Variants in ITSN1 observed in about 807,000 individuals in gnomAD.
ITSN1 encodes intersectin-1.
In ITSN1, 58 loss-of-function variants were observed where a neutral mutation model predicts 239.8. The ratio of observed to expected loss-of-function variants is 0.24; its 90% confidence interval spans 0.20 to 0.30. The LOEUF (loss-of-function observed/expected upper bound fraction) is 0.30, where lower values mean the gene tolerates loss of function less well. Among genes scored for constraint, ITSN1 ranks in the 10% least tolerant of loss-of-function variants. The pLI, the probability that ITSN1 is intolerant of heterozygous loss-of-function variation, is 1.00. For missense variants in ITSN1, 1,558 were observed against 2,103.3 expected (o/e 0.74, Z 5.07); for synonymous variants, 780 against 770.8 (o/e 1.01, Z -0.20).
intron 26 of ITSN1, 143 bp downstream of exon 26, chr21:33,827,006 T>A: frequency 2.9e-6 from 2 of 681,706 alleles, no homozygotes; most frequent in East Asian, 5.5e-5. Context: ...TTCCTTGGAA[T>A]CCATTAATAA....
chr21:33,750,472 A>G (rs572860505), intron 6 of ITSN1, 150 bp downstream of exon 6: 2 of 744,902 alleles, frequency 2.7e-6, no homozygotes, highest in East Asian at 2.7e-5. Flanking sequence ...TTGATTTCAC[A>G]TTTTTTCCAC....
At chr21:33,831,715 G>C (rs1364244205) in intron 27 of ITSN1, among the ~76,000 whole-genome samples, 2 of 152,164 alleles carry the variant, frequency 1.3e-5, no homozygotes, top group African/African-American at 4.8e-5. Context: ...ACACTGGAGA[G>C]CTGAATATAT....
At chr21:33,649,783 G>A (rs976729757) in intron 1 of ITSN1, among the ~76,000 whole-genome samples, 13 of 152,102 alleles carry the variant, frequency 8.5e-5, no homozygotes, top group African/African-American at 3.1e-4. Flanking sequence ...TTGAGAGGCC[G>A]AGGTGTGCGG....
chr21:33,859,484 G>A (rs546253100), intron 31 of ITSN1, among the ~76,000 whole-genome samples: 7 of 151,986 alleles, frequency 4.6e-5, no homozygotes, highest in Admixed American at 3.3e-4. Flanking sequence ...TATCCACCAC[G>A]CTCTCATTGT....
intron 4 of ITSN1, among the ~76,000 whole-genome samples, chr21:33,729,834 T>G (rs2066058243): frequency 6.6e-6 from 1 of 152,226 alleles, no homozygotes; most frequent in Admixed American, 6.5e-5. Flanking sequence ...TATTTGTAGC[T>G]CCCTGCTTAG....
chr21:33,690,802 T>C (rs1425141519), intron 1 of ITSN1, among the ~76,000 whole-genome samples: 1 of 20,028 alleles, frequency 5.0e-5, no homozygotes, highest in East Asian at 5.7e-4. Flanking sequence ...TATATATATA[T>C]ATATATATAT....
chr21:33,767,670 C>A, intron 10 of ITSN1, 43 bp from the exon 11 acceptor site: 2 of 1,122,670 alleles, frequency 1.8e-6, no homozygotes, highest in African/African-American at 1.6e-5. Flanking sequence ...TCCACCCAGA[C>A]AGCTCTGTGT....
intron 12 of ITSN1, among the ~76,000 whole-genome samples, 170 bp downstream of exon 12, chr21:33,772,493 C>T (rs1411571874): frequency 6.6e-6 from 1 of 152,166 alleles, no homozygotes; most frequent in Admixed American, 6.5e-5. Context: ...TTCATCACTC[C>T]AGCTCTTTAC....
chr21:33,808,087 T>C (rs2072604185), intron 20 of ITSN1, among the ~76,000 whole-genome samples: 1 of 150,698 alleles, frequency 6.6e-6, no homozygotes, highest in Non-Finnish European at 1.5e-5. Flanking sequence ...CTCGGGAGGC[T>C]GAGGCAGGAG....
intron 1 of ITSN1, among the ~76,000 whole-genome samples, chr21:33,714,435 A>G (rs530148882): frequency 6.6e-6 from 1 of 152,314 alleles, no homozygotes; most frequent in East Asian, 1.9e-4. Flanking sequence ...TGGAGGGTAG[A>G]GATTCACCTA....
At chr21:33,704,971 C>T (rs998674936) in intron 1 of ITSN1, among the ~76,000 whole-genome samples, 13 of 148,400 alleles carry the variant, frequency 8.8e-5, no homozygotes, top group Non-Finnish European at 1.9e-4. Flanking sequence ...ATTAGCCAGG[C>T]GTGGTGGCAG....
chr21:33,814,740 G>A (rs2073148737), intron 22 of ITSN1, among the ~76,000 whole-genome samples: 1 of 152,212 alleles, frequency 6.6e-6, no homozygotes, highest in Non-Finnish European at 1.5e-5. Flanking sequence ...ATCTGGAGGA[G>A]CGGTGTGCAG....
chr21:33,648,011 A>G (rs2088135857), intron 1 of ITSN1, among the ~76,000 whole-genome samples: 2 of 152,138 alleles, frequency 1.3e-5, no homozygotes, highest in African/African-American at 4.8e-5. Flanking sequence ...CGTATTTCCA[A>G]TTTGTCATTT....
At chr21:33,819,571 AC>A (rs1278033547) in intron 24 of ITSN1, among the ~76,000 whole-genome samples, 1 of 152,184 alleles carries the variant, frequency 6.6e-6, no homozygotes, top group Non-Finnish European at 1.5e-5. Flanking sequence ...TTTAAAAGAG[AC>A]CCATTCAGTT....
chr21:33,778,610 G>A (rs1251683082), intron 14 of ITSN1, among the ~76,000 whole-genome samples: 1 of 96,562 alleles, frequency 1.0e-5, no homozygotes, highest in East Asian at 3.2e-4. Flanking sequence ...ACGGAGTCTC[G>A]CTCTGTCGCC....
At chr21:33,678,524 C>T (rs1025211057) in intron 1 of ITSN1, among the ~76,000 whole-genome samples, 18 of 152,164 alleles carry the variant, frequency 1.2e-4, no homozygotes, top group African/African-American at 4.3e-4. Context: ...ATTTTTGGAA[C>T]TGTTCCCACC....
At chr21:33,750,802 G>A (rs150157122) in intron 6 of ITSN1, among the ~76,000 whole-genome samples, 3 of 152,334 alleles carry the variant, frequency 2.0e-5, no homozygotes, top group African/African-American at 7.2e-5. Context: ...TTAATTGAAG[G>A]AAAGGATTTA....
chr21:33,836,316 C>G (rs1049328516), intron 28 of ITSN1, 125 bp from the exon 29 acceptor site: 7 of 603,878 alleles, frequency 1.2e-5, no homozygotes, highest in Non-Finnish European at 1.9e-5. Context: ...CAGAACAGTT[C>G]CACCTACTGT....
intron 27 of ITSN1, among the ~76,000 whole-genome samples, chr21:33,832,747 C>G (rs1326034610): frequency 6.6e-6 from 1 of 152,166 alleles, no homozygotes; most frequent in Non-Finnish European, 1.5e-5. Context: ...GGGATGGAAT[C>G]TATCAGACCT....
Sources: allele counts gnomAD v4.1 joint callset (sites outside exome capture counted in the v4.1 genomes callset), GRCh38; gene constraint gnomAD v4.1.1; transcripts MANE v1.5; gene names NCBI Gene and HGNC (gene_info 2026-07-23, HGNC 2026-07-21).